Variants in FARSB observed in about 807,000 individuals in gnomAD.
FARSB encodes the protein phenylalanine--tRNA ligase beta subunit.
A neutral mutation model predicts 69.6 loss-of-function variants in FARSB; 40 were observed. The observed-to-expected ratio is 0.57, with a 90% CI of 0.45 to 0.75. The LOEUF (loss-of-function observed/expected upper bound fraction) is 0.75, where lower values mean the gene tolerates loss of function less well. FARSB is among the 30% of genes least tolerant of loss of function. The probability of loss-of-function intolerance (pLI) is 0.00; values close to 1 mark genes in which losing one functional copy is unlikely to be tolerated. For synonymous variants in FARSB, 235 were observed against 247.2 expected (o/e 0.95, Z 0.46); for missense variants, 632 against 722.9 (o/e 0.87, Z 1.44).
intron 16 of FARSB, among the ~76,000 whole-genome samples, chr2:222,598,650 G>C (rs901838731): frequency 1.3e-5 from 2 of 152,168 alleles, no homozygotes; most frequent in African/African-American, 4.8e-5. Context: ...CAAAATTCTA[G>C]GATGGTAAAC....
At chr2:222,643,060 A>G in intron 2 of FARSB, 55 bp from the exon 3 acceptor site, 1 of 1,160,864 alleles carries the variant, frequency 8.6e-7, no homozygotes, top group Non-Finnish European at 1.2e-6. Flanking sequence ...CTCTCTTTAA[A>G]AAGTAAAAGT....
intron 1 of FARSB, among the ~76,000 whole-genome samples, chr2:222,655,012 G>A (rs1411178356): frequency 6.6e-6 from 1 of 151,928 alleles, no homozygotes; most frequent in Non-Finnish European, 1.5e-5. Context: ...GCCTGGCCAA[G>A]ATGGTGAAAC....
At chr2:222,605,244 G>A (rs1025343317) in intron 15 of FARSB, among the ~76,000 whole-genome samples, 1 of 147,410 alleles carries the variant, frequency 6.8e-6, no homozygotes. Flanking sequence ...AAAATGAAAC[G>A]AAACAGAACT....
chr2:222,655,337 A>G (rs1403936938), intron 1 of FARSB, among the ~76,000 whole-genome samples: 2 of 152,224 alleles, frequency 1.3e-5, no homozygotes, highest in Non-Finnish European at 2.9e-5. Context: ...TGAAGTCTAC[A>G]CCCATTTAAT....
At chr2:222,583,268 A>T (rs1345940782) in intron 16 of FARSB, among the ~76,000 whole-genome samples, 1 of 152,242 alleles carries the variant, frequency 6.6e-6, no homozygotes, top group Non-Finnish European at 1.5e-5. Context: ...CAGTATATTT[A>T]CATAATTTCA....
At chr2:222,630,500 G>A (rs9288576) in intron 8 of FARSB, among the ~76,000 whole-genome samples, 128,434 of 152,146 alleles carry the variant, frequency 0.84, 54,966 homozygotes, top group Middle Eastern at 0.95. Context: ...AAGTCTCTGA[G>A]GCCAGGCTGC....
intron 16 of FARSB, among the ~76,000 whole-genome samples, chr2:222,597,890 A>G (rs928178420): frequency 6.6e-6 from 1 of 152,056 alleles, no homozygotes; most frequent in Non-Finnish European, 1.5e-5. Flanking sequence ...TTAAAAGAAG[A>G]AAAAAAAGAA....
chr2:222,650,516 C>T (rs563116803), intron 1 of FARSB, among the ~76,000 whole-genome samples: 19 of 152,068 alleles, frequency 1.2e-4, no homozygotes, highest in African/African-American at 4.3e-4. Context: ...GCTCGATGGC[C>T]GAATGATGGG....
chr2:222,584,185 G>A (rs777358296), intron 16 of FARSB, among the ~76,000 whole-genome samples: 7 of 151,882 alleles, frequency 4.6e-5, no homozygotes, highest in African/African-American at 9.7e-5. Context: ...GGGGTAACAC[G>A]ATATCAGATT....
Position 222,570,174 on chromosome 2 carries a change from T to A in FARSB, c.*1697A>T, listed in dbSNP as rs1207034498. Among the ~76,000 whole-genome samples, 1 of 152,244 alleles carries A rather than the reference T, an allele frequency of 6.6e-6. No homozygotes were observed. The highest frequency in any genetic ancestry group is 1.5e-5 in the Non-Finnish European group (1 of 68,044). On this transcript the variant is annotated 3_prime_UTR_variant, in exon 17 of 17. Coordinates refer to ENST00000281828, the MANE Select transcript of FARSB (RefSeq NM_005687.5). ...TTTTCAAGTGCTCATTCATATGTCA[T>A]CTTTTGGGAAATGTTTGCTCAACTC...
At chr2:222,598,640 CA>C (rs1690484351) in intron 16 of FARSB, among the ~76,000 whole-genome samples, 1 of 152,084 alleles carries the variant, frequency 6.6e-6, no homozygotes, top group African/African-American at 2.4e-5. Context: ...GGTCTTAAAG[CA>C]AAATTCTAGG....
intron 12 of FARSB, among the ~76,000 whole-genome samples, chr2:222,624,009 T>C (rs1042830257): frequency 2.0e-5 from 3 of 152,070 alleles, no homozygotes; most frequent in African/African-American, 7.2e-5. Context: ...CAGGCCCAAG[T>C]TGAGAAAATG....
intron 14 of FARSB, among the ~76,000 whole-genome samples, chr2:222,618,394 T>C (rs1306906171): frequency 6.6e-6 from 1 of 152,220 alleles, no homozygotes; most frequent in Non-Finnish European, 1.5e-5. Flanking sequence ...AGAATTCAGA[T>C]ATTATTTATA....
At chr2:222,605,716 C>CAGTG (rs1690687751) in intron 15 of FARSB, among the ~76,000 whole-genome samples, 1 of 151,796 alleles carries the variant, frequency 6.6e-6, no homozygotes, top group Non-Finnish European at 1.5e-5. Flanking sequence ...CCAGGAGTTT[C>CAGTG]AGACCAGCCT....
At chr2:222,573,234 C>T (rs990538332) in intron 16 of FARSB, among the ~76,000 whole-genome samples, 1 of 151,946 alleles carries the variant, frequency 6.6e-6, no homozygotes, top group Admixed American at 6.6e-5. Flanking sequence ...GGGGAAAGAG[C>T]TGGAAAATAT....
chr2:222,587,842 G>T lies in FARSB; in HGVS notation c.1618+12086C>A, dbSNP rs144465272. Among the ~76,000 whole-genome samples, 20 of 152,210 alleles carry T rather than the reference G, an allele frequency of 1.3e-4. No homozygotes were observed. The East Asian group carries it at 3.9e-3, about 29-fold the overall frequency. On this transcript the variant is annotated intron_variant, in intron 16 of 16. Transcript: ENST00000281828. ...GAATCCCTGAATAGATCCATAACAG[G>T]CTCTGAAATTGAGGCAATAATTAAG...
chr2:222,627,097 TA>T (rs1351303712), intron 10 of FARSB, among the ~76,000 whole-genome samples: 1 of 152,054 alleles, frequency 6.6e-6, no homozygotes, highest in African/African-American at 2.4e-5. Flanking sequence ...TAAAACCATC[TA>T]AAAAGCTATG....
intron 15 of FARSB, among the ~76,000 whole-genome samples, chr2:222,612,183 G>C (rs1690872976): frequency 1.3e-5 from 2 of 152,118 alleles, no homozygotes; most frequent in Admixed American, 1.3e-4. Context: ...AAAACTATTT[G>C]CAGCTGGCAC....
At chr2:222,621,869 G>A (rs1304151479) in intron 13 of FARSB, among the ~76,000 whole-genome samples, 1 of 152,188 alleles carries the variant, frequency 6.6e-6, no homozygotes, top group Non-Finnish European at 1.5e-5. Context: ...CTTTAATGTT[G>A]AAATTCCTAC....
Sources: allele counts gnomAD v4.1 joint callset (sites outside exome capture counted in the v4.1 genomes callset), GRCh38; gene constraint gnomAD v4.1.1; transcripts MANE v1.5; gene names NCBI Gene and HGNC (gene_info 2026-07-23, HGNC 2026-07-21).